The following VPS13A variants were observed in gnomAD, a reference collection of about 807,000 sequenced individuals.
VPS13A encodes the protein intermembrane lipid transfer protein VPS13A.
Under a neutral mutation model 390.9 loss-of-function variants are expected in VPS13A, and 264 were observed. The observed-to-expected ratio is 0.68, with a 90% CI of 0.61 to 0.75. The LOEUF is 0.75. Ranked by LOEUF, VPS13A falls within the 30% of genes least tolerant of loss-of-function variation. The pLI is 0.00. For synonymous variants in VPS13A, 1,231 were observed against 1,227.1 expected (o/e 1.00, Z -0.07); for missense variants, 3,409 against 3,733.9 (o/e 0.91, Z 2.27).
intron 31 of VPS13A, among the ~76,000 whole-genome samples, 172 bp from the exon 32 acceptor site, chr9:77,293,169 T>C (rs1295542216): frequency 6.6e-6 from 1 of 152,188 alleles, no homozygotes; most frequent in African/African-American, 2.4e-5. Flanking sequence ...AAGTTTGTAG[T>C]GTAGGTTCCA....
chr9:77,303,721 A>G (rs985774332), intron 34 of VPS13A, among the ~76,000 whole-genome samples: 3 of 152,212 alleles, frequency 2.0e-5, no homozygotes, highest in Non-Finnish European at 4.4e-5. Context: ...ATTAAGTTCA[A>G]GGGAAGGTAC....
rs759258746 is a variant in VPS13A at position 77,205,986 on chromosome 9, TATG to T, written c.295_297del (p.Asp99del). 16 of 1,563,750 alleles carry T rather than the reference TATG, an allele frequency of 1.0e-5. No individual in the cohort carries two copies. The highest frequency in any genetic ancestry group is 2.3e-5 in the East Asian group (1 of 43,494). On this transcript the variant is annotated inframe_deletion, in exon 5 of 72. Transcript: ENST00000360280. ...TTTTAATCTTCCTATAGGAATAAAA[TATG>T]ATCCTTTAAAAGAAGAGAAACAACT...
At chr9:77,215,296 T>C (rs1476190193) in intron 10 of VPS13A, among the ~76,000 whole-genome samples, 2 of 152,246 alleles carry the variant, frequency 1.3e-5, no homozygotes, top group Non-Finnish European at 2.9e-5. Context: ...TCAGTGATAC[T>C]TTTCTGTCTA....
Position 77,205,395 on chromosome 9 carries a change from A to ATAT in VPS13A, c.270_271insTAT (p.Ile90_Val91insTyr), listed in dbSNP as rs2131123251. 2.1e-6 allele frequency: 3 copies of ATAT among 1,436,200 alleles called. No homozygotes were observed. In the East Asian group the frequency reaches 7.4e-5, roughly 36 times the overall value. The allele number at this position is 1,436,200 out of a possible 1,614,324, so 89.0% of individuals were successfully genotyped here. A position where few individuals can be genotyped will look rare whatever the true frequency, so the allele number is the denominator to read the frequency against. On this transcript the variant is annotated inframe_insertion, in exon 4 of 72. Coordinates refer to ENST00000360280, the MANE Select transcript of VPS13A (RefSeq NM_033305.3). ...TATTGGAAGAAATTTATTTACTTAT[A>ATAT]GTGCCTTCTTCTAGTAAGTTAAATT...
intron 22 of VPS13A, among the ~76,000 whole-genome samples, chr9:77,256,302 CTTTT>C (rs1200942767): frequency 1.3e-5 from 2 of 152,224 alleles, no homozygotes; most frequent in Non-Finnish European, 2.9e-5. Context: ...GACTTCTACA[CTTTT>C]TCCTTCTACT....
At chr9:77,289,573 A>G (rs76558758) in intron 31 of VPS13A, among the ~76,000 whole-genome samples, 3,516 of 152,142 alleles carry the variant, frequency 0.023, 115 homozygotes, top group East Asian at 0.12. Context: ...CCCATTTCCT[A>G]TCTTTCTTGG....
chr9:77,395,524 A>G (rs551412265), intron 68 of VPS13A, among the ~76,000 whole-genome samples: 1 of 152,342 alleles, frequency 6.6e-6, no homozygotes, highest in South Asian at 2.1e-4. Flanking sequence ...GAGACACGAA[A>G]TGAGCATGTG....
chr9:77,378,610 T>C (rs1410277010), intron 67 of VPS13A, among the ~76,000 whole-genome samples: 2 of 152,040 alleles, frequency 1.3e-5, no homozygotes, highest in African/African-American at 4.8e-5. Flanking sequence ...GTCAGTTTAG[T>C]GATGGCGTGT....
At chr9:77,369,702 A>G (rs748093073) in intron 63 of VPS13A, among the ~76,000 whole-genome samples, 2 of 152,236 alleles carry the variant, frequency 1.3e-5, no homozygotes, top group Non-Finnish European at 2.9e-5. Context: ...TTTGCACAGT[A>G]GTGTGGAACT....
chr9:77,373,092 A>G (rs1832873191), intron 67 of VPS13A, among the ~76,000 whole-genome samples: 1 of 152,192 alleles, frequency 6.6e-6, no homozygotes, highest in South Asian at 2.1e-4. Context: ...TGCTATCCCC[A>G]TCAAGCTACC....
rs536253318 is a variant in VPS13A, at chr9:77,231,738, C to T, written c.1595+3474C>T. 2.0e-4 allele frequency among the ~76,000 whole-genome samples: 30 copies of T among 152,058 alleles called. No individual in the cohort carries two copies. The South Asian group carries it at 4.2e-3, about 21-fold the overall frequency. On this transcript the variant is annotated intron_variant, in intron 17 of 71. Transcript: ENST00000360280. The stretch of plus-strand genomic sequence containing the variant: ...TTCATTGATACTGTCCTTTGGTGTA[C>T]GGAAGTTTTTAATTTTGAAGCTCAC...
intron 67 of VPS13A, among the ~76,000 whole-genome samples, chr9:77,377,424 T>A (rs1437795999): frequency 6.6e-6 from 1 of 152,046 alleles, no homozygotes; most frequent in Non-Finnish European, 1.5e-5. Context: ...TTTCACCTTG[T>A]TAGCCAGGAT....
At chr9:77,229,536 TCTTTTC>T in intron 17 of VPS13A, among the ~76,000 whole-genome samples, 2 of 152,204 alleles carry the variant, frequency 1.3e-5, no homozygotes, top group Non-Finnish European at 2.9e-5. Flanking sequence ...CAATATCTGG[TCTTTTC>T]TGTTTGGCAT....
chr9:77,302,936 A>C lies in VPS13A; in HGVS notation c.3834A>C (p.Ala1278=), dbSNP rs778637226. 22 of 1,613,626 alleles carry C rather than the reference A, an allele frequency of 1.4e-5. No homozygotes were observed. Among genetic ancestry groups the C allele is most frequent in the Non-Finnish European group, 1.7e-5 (20 of 1,179,708 alleles). The change falls in exon 34 of 72, where the codon GCA becomes GCC. Residue 1278 remains alanine (A), a synonymous_variant. Transcript: ENST00000360280. ...ATAGATCTCGATTTATTAATGATGC[A>C]TACCAGGAAGTACTGGATCTACTCC... ...RLYRSRFIND[A]YQEVLDLLLP...
intron 2 of VPS13A, among the ~76,000 whole-genome samples, chr9:77,201,018 G>A (rs924219202): frequency 3.3e-5 from 5 of 152,078 alleles, no homozygotes; most frequent in African/African-American, 1.2e-4. Flanking sequence ...TTGCAAAATA[G>A]AGTTTTAATC....
At chr9:77,352,527 TA>T (rs1468590335) in intron 53 of VPS13A, among the ~76,000 whole-genome samples, 1 of 152,168 alleles carries the variant, frequency 6.6e-6, no homozygotes, top group Non-Finnish European at 1.5e-5. Flanking sequence ...TACTTTGATA[TA>T]AAAAGTCTTA....
At chr9:77,384,271 A>G (rs1158497033) in intron 68 of VPS13A, among the ~76,000 whole-genome samples, 2 of 151,866 alleles carry the variant, frequency 1.3e-5, no homozygotes, top group Non-Finnish European at 3.0e-5. Flanking sequence ...AAGGTAGCAC[A>G]TTATTACAGT....
At chr9:77,395,456 GATATA>G (rs1275145870) in intron 68 of VPS13A, among the ~76,000 whole-genome samples, 1 of 152,084 alleles carries the variant, frequency 6.6e-6, no homozygotes, top group Admixed American at 6.5e-5. Context: ...CACCATAACA[GATATA>G]ATAATGATAA....
intron 71 of VPS13A, among the ~76,000 whole-genome samples, chr9:77,410,150 TAAAGAA>T (rs1834849466): frequency 6.6e-6 from 1 of 152,128 alleles, no homozygotes; most frequent in Non-Finnish European, 1.5e-5. Context: ...TCAGCATTCT[TAAAGAA>T]AAGAATTTTC....
Sources: allele counts gnomAD v4.1 joint callset (sites outside exome capture counted in the v4.1 genomes callset), GRCh38; gene constraint gnomAD v4.1.1; transcripts MANE v1.5; gene names NCBI Gene and HGNC (gene_info 2026-07-23, HGNC 2026-07-21).